ZSCAN18: variants seen among roughly 807,000 people sequenced by gnomAD.
The protein encoded by ZSCAN18 is zinc finger and SCAN domain-containing protein 18.
In ZSCAN18, 16 loss-of-function variants were observed where a neutral mutation model predicts 31.1. The ratio of observed to expected loss-of-function variants is 0.51; its 90% CI spans 0.35 to 0.78. ZSCAN18 has a LOEUF of 0.78. Ranked by LOEUF, ZSCAN18 falls within the 30% of genes least tolerant of loss-of-function variation. The pLI, the probability that ZSCAN18 is intolerant of heterozygous loss-of-function variation, is 0.01. For synonymous variants in ZSCAN18, 375 were observed against 320.7 expected (o/e 1.17, Z -1.81); for missense variants, 731 against 697.4 (o/e 1.05, Z -0.54).
At chr19:58,117,792 A>C (rs1467930386) in intron 1 of ZSCAN18, among the ~76,000 whole-genome samples, 1 of 149,786 alleles carries the variant, frequency 6.7e-6, no homozygotes, top group African/African-American at 2.4e-5. Flanking sequence ...GATCCGCCCC[A>C]GTGGGAGGGT....
chr19:58,100,141 G>C (rs1245989591), upstream of ZSCAN18, among the ~76,000 whole-genome samples: 1 of 151,334 alleles, frequency 6.6e-6, no homozygotes, highest in Non-Finnish European at 1.5e-5. Flanking sequence ...TTTTTTAAGA[G>C]ATGGGGTCTC....
At position 58,084,645 on chromosome 19, in the gene ZSCAN18, C is replaced by A. The variant is rs1033777424; in HGVS notation, c.*40G>T. 10 of 1,433,528 alleles carry A rather than the reference C, an allele frequency of 7.0e-6. No homozygotes were observed. Among genetic ancestry groups the A allele is most frequent in the Non-Finnish European group, 9.1e-6 (10 of 1,098,134 alleles). 88.8% of individuals were successfully genotyped at this position (1,433,528 alleles called of 1,614,324 possible). A position where few individuals can be genotyped will look rare whatever the true frequency, so the allele number is the denominator to read the frequency against. ...CCAATGCCTCGTCTGGGATTCACGGCCGGCAAAGCGGCCCCTCCGGAACGG... is the reference window on the plus strand; with the variant it reads ...CCAATGCCTCGTCTGGGATTCACGGACGGCAAAGCGGCCCCTCCGGAACGG... On this transcript the variant is annotated 3_prime_UTR_variant, in exon 7 of 7. Coordinates refer to ENST00000601144, the MANE Select transcript of ZSCAN18 (RefSeq NM_001145543.2). This position sits in a 1 kb window ranked among gnomAD's most constrained non-coding sequence, Gnocchi z 4.5.
intron 1 of ZSCAN18, among the ~76,000 whole-genome samples, chr19:58,110,771 T>C (rs1389431547): frequency 2.0e-5 from 3 of 152,230 alleles, no homozygotes; most frequent in Non-Finnish European, 4.4e-5. Context: ...TTAAACAGAA[T>C]AAATTCAAAG....
intron 1 of ZSCAN18, among the ~76,000 whole-genome samples, chr19:58,110,429 T>C (rs530199297): frequency 9.9e-5 from 15 of 152,218 alleles, no homozygotes; most frequent in African/African-American, 3.4e-4. Flanking sequence ...AATCCAGACA[T>C]GCATACTGGA....
chr19:58,106,703 CAAAA>C (rs1225360206), intron 1 of ZSCAN18, among the ~76,000 whole-genome samples: 1 of 1,876 alleles, frequency 5.3e-4, no homozygotes, highest in Admixed American at 8.3e-3. Flanking sequence ...GACTCCGTCT[CAAAA>C]AAAAAAAAAA....
chr19:58,114,529 CAGAT>C (rs146884280), intron 1 of ZSCAN18, among the ~76,000 whole-genome samples: 28,031 of 151,424 alleles, frequency 0.19, 2,879 homozygotes, highest in Non-Finnish European at 0.24. Context: ...CATATACGCA[CAGAT>C]AAATATACAA....
intron 1 of ZSCAN18, among the ~76,000 whole-genome samples, chr19:58,094,555 G>T (rs1222417197): frequency 1.3e-5 from 2 of 152,068 alleles, no homozygotes; most frequent in East Asian, 3.9e-4. Flanking sequence ...GTACCCACAG[G>T]TTTGGCATGT....
upstream of ZSCAN18, among the ~76,000 whole-genome samples, chr19:58,100,630 C>T (rs996749789): frequency 2.6e-5 from 4 of 152,042 alleles, no homozygotes; most frequent in Non-Finnish European, 5.9e-5. Flanking sequence ...AATGTAAGGG[C>T]CAGGCGCGGT....
upstream of ZSCAN18, among the ~76,000 whole-genome samples, chr19:58,102,722 T>C (rs8109753): frequency 0.013 from 2,006 of 152,172 alleles, 34 homozygotes; most frequent in African/African-American, 0.045. Context: ...CCTTGAGAGT[T>C]GTATTTCTCC....
In ZSCAN18 at chr19:58,098,214, GC is replaced by G. The variant is rs1244712206; in HGVS notation, c.-161del. 14 of 985,372 alleles carry G rather than the reference GC, an allele frequency of 1.4e-5. No homozygotes were observed. The highest frequency in any genetic ancestry group is 1.4e-5 in the Non-Finnish European group (12 of 829,988). The allele number at this position is 985,372 out of a possible 1,614,324, so 61.0% of individuals were successfully genotyped here. On this transcript the variant is annotated 5_prime_UTR_variant, in exon 1 of 7. Transcript: ENST00000601144. ...CCCAGGCCGGTCCCAGCCGCCCGGAGCCCCAGTGCGCGATGGCGGCCGGCAA... is the reference window on the plus strand; with the variant it reads ...CCCAGGCCGGTCCCAGCCGCCCGGAGCCCAGTGCGCGATGGCGGCCGGCAA...
At chr19:58,106,121 G>A (rs1311132277) in intron 1 of ZSCAN18, among the ~76,000 whole-genome samples, 4 of 152,148 alleles carry the variant, frequency 2.6e-5, no homozygotes, top group Non-Finnish European at 1.5e-5. Flanking sequence ...AGCATTCTAG[G>A]CCAGGCACAA....
chr19:58,090,431 G>A lies in ZSCAN18; in HGVS notation c.-119-45C>T, dbSNP rs533724393. The A allele has an allele frequency of 7.1e-4, 1,034 of 1,451,936 alleles. 2 individuals carry two copies. Among genetic ancestry groups the A allele is most frequent in the Middle Eastern group, 2.2e-3 (12 of 5,416 alleles). 89.9% of individuals were successfully genotyped at this position (1,451,936 alleles called of 1,614,324 possible). On this transcript the variant is annotated intron_variant, in intron 1 of 6. Coordinates refer to ENST00000601144, the MANE Select transcript of ZSCAN18 (RefSeq NM_001145543.2). This position sits in a 1 kb window ranked among gnomAD's most constrained non-coding sequence, Gnocchi z 4.7. ...GGCAATGGCCTTGCATAAGGCCAGG[G>A]CGCAGCCACCCCAGCTGCCAGAGAA...
Position 58,084,724 on chromosome 19 carries a change from C to T in ZSCAN18, c.1494G>A (p.Glu498=). 1 of 1,524,584 alleles carries T rather than the reference C, an allele frequency of 6.6e-7. No homozygotes were observed. Among genetic ancestry groups the T allele is most frequent in the Non-Finnish European group, 8.7e-7 (1 of 1,146,064 alleles). The allele number at this position is 1,524,584 out of a possible 1,614,324, so 94.4% of individuals were successfully genotyped here. A position where few individuals can be genotyped will look rare whatever the true frequency, so the allele number is the denominator to read the frequency against. The change falls in exon 7 of 7, where the codon GAG becomes GAA. Residue 498 remains glutamate (E), a synonymous_variant. Transcript: ENST00000601144. This position sits in a 1 kb window ranked among gnomAD's most constrained non-coding sequence, Gnocchi z 4.5. ...ARAGGPPESV[E]GEAPPAPPEA... is the part of the protein sequence containing the mutation. ...CTGGGGGTGCGGGGGGAGCCTCGCC[C>T]TCCACGCTCTCTGGGGGACCGCCCG...
At chr19:58,113,678 T>A (rs948296610) in intron 1 of ZSCAN18, among the ~76,000 whole-genome samples, 12 of 152,124 alleles carry the variant, frequency 7.9e-5, no homozygotes, top group African/African-American at 2.7e-4. Context: ...AAGACTTGGC[T>A]CAAAAATAAT....
intron 1 of ZSCAN18, among the ~76,000 whole-genome samples, chr19:58,114,619 C>A (rs1452894828): frequency 6.6e-6 from 1 of 151,916 alleles, no homozygotes; most frequent in Non-Finnish European, 1.5e-5. Flanking sequence ...CACACATATG[C>A]CCCCAAATAT....
intron 1 of ZSCAN18, among the ~76,000 whole-genome samples, chr19:58,103,957 G>T (rs183719485): frequency 6.6e-6 from 1 of 152,276 alleles, no homozygotes; most frequent in Non-Finnish European, 1.5e-5. Context: ...AAGCTTTAAT[G>T]GTCTGGATAG....
chr19:58,105,617 C>T (rs1171755899), intron 1 of ZSCAN18, among the ~76,000 whole-genome samples: 3 of 152,038 alleles, frequency 2.0e-5, no homozygotes, highest in African/African-American at 7.2e-5. Context: ...GCAGAGATCG[C>T]ACCACTGCAC....
rs369240615 is a variant in ZSCAN18, at chr19:58,085,053, C to A, written c.1165G>T (p.Gly389Cys). 4 of 1,598,590 alleles carry A rather than the reference C, an allele frequency of 2.5e-6. No individual in the cohort carries two copies. Among genetic ancestry groups the A allele is most frequent in the Admixed American group, 1.7e-5 (1 of 58,846 alleles). ...CCGGCCTCCAGCCCTGCGCTGTCGCCGGAGCTAGAGACGCCCTCGAGGCTC... is the reference window on the plus strand; with the variant it reads ...CCGGCCTCCAGCCCTGCGCTGTCGCAGGAGCTAGAGACGCCCTCGAGGCTC... Reference protein sequence around the residue: ...GQSLEGVSSSGDSAGLEAGQG... With the variant: ...GQSLEGVSSSCDSAGLEAGQG... The change falls in exon 7 of 7, where the codon GGC becomes TGC. Residue 389 changes from glycine (G) to cysteine (C), a missense_variant. Coordinates refer to ENST00000601144, the MANE Select transcript of ZSCAN18 (RefSeq NM_001145543.2).
rs564122117 is a variant in ZSCAN18 at position 58,090,242 on chromosome 19, G to A, written c.26C>T (p.Ala9Val). The change falls in exon 2 of 7, where the codon GCC (alanine) becomes GTC (valine). Residue 9 changes from alanine to valine, a missense_variant. This residue lies in a region of ZSCAN18 where 86 missense variants were observed against 119.1 expected (regional missense o/e 0.72). Coordinates refer to ENST00000601144, the MANE Select transcript of ZSCAN18 (RefSeq NM_001145543.2). The surrounding 1 kb of genome is among the most constrained non-coding windows in gnomAD (Gnocchi z 4.7). MLPLEKAF[A>V]SPRSSPAPPD... ...CGGGGCTGGGGAGCTCCTGGGGGAGGCAAACGCCTTCTCCAAAGGCAACAT... is the reference window on the plus strand; with the variant it reads ...CGGGGCTGGGGAGCTCCTGGGGGAGACAAACGCCTTCTCCAAAGGCAACAT... 3 of 1,613,518 alleles carry A rather than the reference G, an allele frequency of 1.9e-6. No individual in the cohort carries two copies. The highest frequency in any genetic ancestry group is 2.5e-6 in the Non-Finnish European group (3 of 1,180,038).
Sources: gnomAD v4.1 joint callset for allele counts (sites outside exome capture counted in the v4.1 genomes callset) on GRCh38, gnomAD v4.1.1 for gene constraint, gnomAD v4.1.1 regional missense constraint, Gnocchi (gnomAD v3.1) non-coding constraint, MANE v1.5 for transcripts, NCBI Gene and HGNC (gene_info 2026-07-23, HGNC 2026-07-21) for gene names.